PLXNA2: variants seen among roughly 807,000 people sequenced by gnomAD.
The protein encoded by PLXNA2 is plexin A2.
In PLXNA2, 91 loss-of-function variants were observed where a neutral mutation model predicts 193.5. The ratio of observed to expected loss-of-function variants is 0.47; its 90% CI spans 0.40 to 0.56. The LOEUF is 0.56. Among genes scored for constraint, PLXNA2 ranks in the 20% least tolerant of loss-of-function variants. The probability of loss-of-function intolerance (pLI) is 0.00; values close to 1 mark genes in which losing one functional copy is unlikely to be tolerated. For missense variants in PLXNA2, 1,995 were observed against 2,503.2 expected (o/e 0.80, Z 4.33); for synonymous variants, 997 against 1,027.3 (o/e 0.97, Z 0.56).
intron 3 of PLXNA2, among the ~76,000 whole-genome samples, chr1:208,203,960 G>C (rs1328619383): frequency 6.6e-6 from 1 of 152,222 alleles, no homozygotes; most frequent in African/African-American, 2.4e-5. Flanking sequence ...GCTACTGCAA[G>C]AAGCTCACAG....
chr1:208,047,529 G>C (rs930519273), intron 17 of PLXNA2, among the ~76,000 whole-genome samples: 4 of 152,218 alleles, frequency 2.6e-5, no homozygotes, highest in African/African-American at 4.8e-5. Flanking sequence ...CGTGGGGCTT[G>C]GGAAGAAAAA....
Position 208,077,174 on chromosome 1 carries a change from C to T in PLXNA2, c.2586+2086G>A, listed in dbSNP as rs377610713. Among the ~76,000 whole-genome samples the T allele has an allele frequency of 1.3e-4, 20 of 152,146 alleles. No homozygotes were observed. In the South Asian group the frequency reaches 3.9e-3, roughly 30 times the overall value. On this transcript the variant is annotated intron_variant, in intron 12 of 31. Coordinates refer to ENST00000367033, the MANE Select transcript of PLXNA2 (RefSeq NM_025179.4). Reference sequence around the variant, plus strand: ...GTTCAGAGTGACCTCCCCCGAGTGGCTTGGGACACAGCATGGATTTGTCTC... The same window carrying T: ...GTTCAGAGTGACCTCCCCCGAGTGGTTTGGGACACAGCATGGATTTGTCTC...
intron 13 of PLXNA2, among the ~76,000 whole-genome samples, chr1:208,056,783 A>G (rs1019976617): frequency 1.9e-4 from 29 of 152,300 alleles, no homozygotes; most frequent in African/African-American, 6.7e-4. Flanking sequence ...CTCGGGCATC[A>G]GCCGAGCCCC....
rs536123745 is a variant in PLXNA2, at chr1:208,217,777, G to T, written c.146C>A (p.Thr49Asn). 76 of 1,614,154 alleles carry T rather than the reference G, an allele frequency of 4.7e-5. 2 individuals are homozygous for T. In the South Asian group the frequency reaches 8.1e-4, roughly 17 times the overall value. ...TTGGTGGACGGTCAAGTGGTTGAAG[G>T]TCCAGTCACGATTCTCAGAGTGGAA... ...STFHSENRDW[T>N]FNHLTVHQGT... Residue 49 changes from threonine to asparagine, a missense_variant, in exon 2 of 32, where the codon ACC (threonine) becomes AAC (asparagine). By Grantham distance (65) the Thr-to-Asn change is moderately conservative. Around this residue, in one of 3 missense-constraint regions of PLXNA2, gnomAD observed 702 missense variants for 812.9 expected, o/e 0.86. Transcript: ENST00000367033. The surrounding 1 kb of genome is among the most constrained non-coding windows in gnomAD (Gnocchi z 4.7).
rs749132000 is a variant in PLXNA2, at chr1:208,027,192, G to A, written c.*51C>T. ...CTTGTCCTTCCATCTGAGACTCCCAGTGTGACAGCTTGGACAGGTCCCTCT... is the reference window on the plus strand; with the variant it reads ...CTTGTCCTTCCATCTGAGACTCCCAATGTGACAGCTTGGACAGGTCCCTCT... On this transcript the variant is annotated 3_prime_UTR_variant, in exon 32 of 32. Transcript: ENST00000367033. The A allele has an allele frequency of 6.8e-7, 1 of 1,476,438 alleles. No individual in the cohort carries two copies. The highest frequency in any genetic ancestry group is 9.4e-7 in the Non-Finnish European group (1 of 1,058,646). The allele number at this position is 1,476,438 out of a possible 1,614,324, so 91.5% of individuals were successfully genotyped here. A position where few individuals can be genotyped will look rare whatever the true frequency, so the allele number is the denominator to read the frequency against.
intron 29 of PLXNA2, chr1:208,030,944 G>A: frequency 1.0e-6 from 1 of 986,542 alleles, no homozygotes. Context: ...TGCTGGTCTG[G>A]TTGCAGAGAT....
intron 3 of PLXNA2, among the ~76,000 whole-genome samples, chr1:208,166,393 A>G (rs12743454): frequency 0.24 from 36,559 of 152,224 alleles, 5,699 homozygotes; most frequent in Non-Finnish European, 0.35. Flanking sequence ...CCCAAAAGAC[A>G]AAAAGACATG....
chr1:208,191,672 C>T (rs1670185333), intron 3 of PLXNA2, among the ~76,000 whole-genome samples: 1 of 152,160 alleles, frequency 6.6e-6, no homozygotes, highest in African/African-American at 2.4e-5. Flanking sequence ...CACTATGTCG[C>T]ACAGATATTA....
intron 2 of PLXNA2, among the ~76,000 whole-genome samples, chr1:208,216,507 GGCACTCAATAC>G (rs1210981137): frequency 1.1e-4 from 16 of 152,348 alleles, no homozygotes; most frequent in African/African-American, 3.8e-4. Context: ...ATGTGATGTA[GGCACTCAATAC>G]ATATATTTGA....
Position 208,054,535 on chromosome 1 carries a change from A to T in PLXNA2, c.2742T>A (p.Ile914=). 6.2e-7 allele frequency: 1 copy of T among 1,612,138 alleles called. No individual in the cohort carries two copies. Among genetic ancestry groups the T allele is most frequent in the Non-Finnish European group, 8.5e-7 (1 of 1,178,234 alleles). ...LPGEYIIAEQ[I]VCEMGHALVG... ...CGAGGGCATGGCCCATCTCACAGACAATCCTGGGGAGAAAGCAAACCTTCT... is the reference window on the plus strand; with the variant it reads ...CGAGGGCATGGCCCATCTCACAGACTATCCTGGGGAGAAAGCAAACCTTCT... The change falls in exon 14 of 32, where the codon ATT becomes ATA. Residue 914 remains isoleucine, a synonymous_variant. Coordinates refer to ENST00000367033, the MANE Select transcript of PLXNA2 (RefSeq NM_025179.4).
At chr1:208,216,700 G>A (rs1218328687) in intron 2 of PLXNA2, 35 bp downstream of exon 2, 2 of 1,580,920 alleles carry the variant, frequency 1.3e-6, no homozygotes, top group African/African-American at 2.7e-5. Context: ...CCTGTGTCAT[G>A]GAGCAGGAGC....
chr1:208,097,527 T>G (rs1666938506), intron 6 of PLXNA2, among the ~76,000 whole-genome samples: 1 of 152,196 alleles, frequency 6.6e-6, no homozygotes. Context: ...AACTGCTTGA[T>G]GTCTGCTATT....
At chr1:208,190,915 C>T (rs1002248221) in intron 3 of PLXNA2, among the ~76,000 whole-genome samples, 1 of 152,188 alleles carries the variant, frequency 6.6e-6, no homozygotes, top group Admixed American at 6.5e-5. Flanking sequence ...GTACAGTCTA[C>T]TCAGTCCTGG....
chr1:208,133,437 A>G (rs999360108), intron 4 of PLXNA2, among the ~76,000 whole-genome samples: 1 of 152,208 alleles, frequency 6.6e-6, no homozygotes, highest in South Asian at 2.1e-4. Context: ...AGAAATCAAG[A>G]AGGTACTTAT....
At chr1:208,063,773 C>T (rs764379027) in intron 12 of PLXNA2, among the ~76,000 whole-genome samples, 12 of 152,128 alleles carry the variant, frequency 7.9e-5, no homozygotes, top group Admixed American at 2.0e-4. Flanking sequence ...GCAAAACTGA[C>T]GTGTAAAAGC....
chr1:208,101,844 G>C (rs1667106889), intron 5 of PLXNA2, among the ~76,000 whole-genome samples: 1 of 152,188 alleles, frequency 6.6e-6, no homozygotes, highest in African/African-American at 2.4e-5. Context: ...TGCAGAGCTA[G>C]AGGGCAGGCT....
At chr1:208,194,122 A>G (rs1403250484) in intron 3 of PLXNA2, among the ~76,000 whole-genome samples, 1 of 151,918 alleles carries the variant, frequency 6.6e-6, no homozygotes. Flanking sequence ...TCAGCCAAGG[A>G]AAGAGACTGT....
intron 2 of PLXNA2, among the ~76,000 whole-genome samples, chr1:208,210,753 T>A (rs1670917379): frequency 6.6e-6 from 1 of 152,226 alleles, no homozygotes; most frequent in Non-Finnish European, 1.5e-5. Context: ...TTTGTAAAGC[T>A]AAGTGCCTGA....
intron 4 of PLXNA2, among the ~76,000 whole-genome samples, chr1:208,138,714 A>G (rs1331248813): frequency 6.6e-6 from 1 of 152,158 alleles, no homozygotes; most frequent in Non-Finnish European, 1.5e-5. Flanking sequence ...GTGAAACCCC[A>G]TCTCTATTTC....
Sources: allele counts gnomAD v4.1 joint callset (sites outside exome capture counted in the v4.1 genomes callset), GRCh38; gene constraint gnomAD v4.1.1; regional missense constraint gnomAD v4.1.1; non-coding constraint Gnocchi (gnomAD v3.1); transcripts MANE v1.5; gene names NCBI Gene and HGNC (gene_info 2026-07-23, HGNC 2026-07-21).